PTCHD1: variants seen among roughly 807,000 people sequenced by gnomAD.
The protein encoded by PTCHD1 is patched domain-containing protein 1.
A neutral mutation model predicts 34.6 loss-of-function variants in PTCHD1; 3 were observed. The observed-to-expected ratio is 0.09, with a 90% CI of 0.04 to 0.22. The LOEUF is 0.22. PTCHD1 is among the 10% of genes least tolerant of loss of function. The pLI, the probability that PTCHD1 is intolerant of heterozygous loss-of-function variation, is 1.00. For synonymous variants in PTCHD1, 305 were observed against 283.1 expected (o/e 1.08, Z -0.77); for missense variants, 504 against 685.5 (o/e 0.74, Z 2.96).
chrX:23,377,499 T>C (rs1031715474), intron 1 of PTCHD1, among the ~76,000 whole-genome samples: 5 of 111,172 alleles, frequency 4.5e-5, no homozygotes, highest in Admixed American at 3.8e-4. Context: ...ATGGAAGACA[T>C]TTTGCTCACC....
At position 23,394,302 on chromosome X, in the gene PTCHD1, CAAAAAAAAAAAAA is replaced by C; in HGVS notation, c.*127_*139del. ...TTTAAAGATAGGAAACAGGCATTGC[CAAAAAAAAAAAAA>C]AAAAAAAAAGGAAAGGACAGTGGGG... On this transcript the variant is annotated 3_prime_UTR_variant, in exon 3 of 3. Coordinates refer to ENST00000379361, the MANE Select transcript of PTCHD1 (RefSeq NM_173495.3). 9.6e-5 allele frequency: 5 copies of C among 52,221 alleles called. 2 individuals are homozygous for C. In the East Asian group the frequency reaches 1.4e-3, roughly 14 times the overall value. 4.3% of individuals were successfully genotyped at this position (52,221 alleles called of 1,213,427 possible).
intron 1 of PTCHD1, among the ~76,000 whole-genome samples, chrX:23,353,610 A>C (rs960749830): frequency 2.7e-5 from 2 of 74,176 alleles, no homozygotes; most frequent in South Asian, 5.6e-4. Flanking sequence ...AAAACAAAAC[A>C]AAAAAAAAAA....
intron 1 of PTCHD1, among the ~76,000 whole-genome samples, chrX:23,354,136 G>A (rs1921730342): frequency 9.0e-6 from 1 of 111,278 alleles, no homozygotes; most frequent in East Asian, 2.8e-4. Flanking sequence ...AGAGATTCAG[G>A]CCGAGGAAGC....
At chrX:23,340,863 G>A (rs1921291345) in intron 1 of PTCHD1, among the ~76,000 whole-genome samples, 1 of 112,037 alleles carries the variant, frequency 8.9e-6, no homozygotes, top group South Asian at 3.7e-4. Context: ...GCCTGAAAGG[G>A]CAGCATTTGT....
At chrX:23,383,991 A>T (rs1054861634) in intron 2 of PTCHD1, among the ~76,000 whole-genome samples, 18 of 112,278 alleles carry the variant, frequency 1.6e-4, no homozygotes, top group African/African-American at 5.8e-4. Flanking sequence ...TGATTTTTAA[A>T]ATTAGCATAG....
chrX:23,391,319 C>T (rs1326987116), intron 2 of PTCHD1, among the ~76,000 whole-genome samples: 1 of 111,146 alleles, frequency 9.0e-6, no homozygotes, highest in South Asian at 3.8e-4. Context: ...TCGCTGCTGA[C>T]GTATTATATC....
At chrX:23,343,362 A>G (rs181272209) in intron 1 of PTCHD1, among the ~76,000 whole-genome samples, 17 of 112,002 alleles carry the variant, frequency 1.5e-4, no homozygotes, top group Admixed American at 3.8e-4. Context: ...TCAGTCCCCA[A>G]TCAGTGGTGC....
At position 23,398,578 on chromosome X, in the gene PTCHD1, CA is replaced by C. The variant is rs1463768019; in HGVS notation, c.*4394del. The C allele has an allele frequency of 9.0e-6, 1 of 111,538 alleles. No individual in the cohort carries two copies. The highest frequency in any genetic ancestry group is 2.8e-4 in the East Asian group (1 of 3,557). The allele number at this position is 111,538 out of a possible 1,213,427, so 9.2% of individuals were successfully genotyped here. A position where few individuals can be genotyped will look rare whatever the true frequency, so the allele number is the denominator to read the frequency against. ...GCTTTTAATTTTGTGTAAAAAGCACCAGGTATTTAGAGACATAAAGTTCCCG... is the reference window on the plus strand; with the variant it reads ...GCTTTTAATTTTGTGTAAAAAGCACCGGTATTTAGAGACATAAAGTTCCCG... On this transcript the variant is annotated 3_prime_UTR_variant, in exon 3 of 3. Transcript: ENST00000379361.
intron 1 of PTCHD1, among the ~76,000 whole-genome samples, chrX:23,369,265 C>T (rs1357227147): frequency 9.0e-6 from 1 of 111,078 alleles, no homozygotes; most frequent in African/African-American, 3.3e-5. Flanking sequence ...TAGTACTGGT[C>T]GGAGTTTTGT....
chrX:23,388,775 G>A (rs1181946014), intron 2 of PTCHD1, among the ~76,000 whole-genome samples: 1 of 111,136 alleles, frequency 9.0e-6, no homozygotes, highest in Non-Finnish European at 1.9e-5. Flanking sequence ...AGGCTGCAGC[G>A]AGCAGAGATT....
At chrX:23,352,764 G>A (rs1290615526) in intron 1 of PTCHD1, among the ~76,000 whole-genome samples, 2 of 111,925 alleles carry the variant, frequency 1.8e-5, no homozygotes, top group East Asian at 5.6e-4. Context: ...TAAAAACAGT[G>A]GCCTACTCCA....
At chrX:23,358,998 T>C (rs1921894686) in intron 1 of PTCHD1, among the ~76,000 whole-genome samples, 1 of 112,138 alleles carries the variant, frequency 8.9e-6, no homozygotes, top group Non-Finnish European at 1.9e-5. Flanking sequence ...TTCTGTTCCA[T>C]TGGTCCATAT....
At chrX:23,368,553 C>T (rs181981304) in intron 1 of PTCHD1, among the ~76,000 whole-genome samples, 33 of 111,146 alleles carry the variant, frequency 3.0e-4, no homozygotes, top group East Asian at 2.8e-4. Flanking sequence ...TAGGATTGAG[C>T]GAAACAAAAT....
intron 1 of PTCHD1, among the ~76,000 whole-genome samples, chrX:23,347,472 G>A (rs1921507484): frequency 8.9e-6 from 1 of 112,060 alleles, no homozygotes; most frequent in Non-Finnish European, 1.9e-5. Flanking sequence ...GGAAATTAAA[G>A]CTTCTGGTAC....
In PTCHD1 at chrX:23,335,237, A is replaced by C. The variant is rs1464609871; in HGVS notation, c.351+11A>C. ...GACCTGATCTTAAAGGTGAGAGGGG[A>C]CGGGTGCGGGCAGACTCCGCCAGCG... is the stretch of plus-strand genomic sequence containing the variant. On this transcript the variant is annotated intron_variant, in intron 1 of 2. Coordinates refer to ENST00000379361, the MANE Select transcript of PTCHD1 (RefSeq NM_173495.3). 13 of 1,186,587 alleles carry C rather than the reference A, an allele frequency of 1.1e-5. No homozygotes were observed. In the South Asian group the frequency reaches 2.3e-4, roughly 21 times the overall value.
chrX:23,343,083 G>C (rs1265865715), intron 1 of PTCHD1, among the ~76,000 whole-genome samples: 8 of 112,330 alleles, frequency 7.1e-5, no homozygotes, highest in African/African-American at 1.6e-4. Flanking sequence ...CTGGTTTATA[G>C]CTTGTAAGAT....
chrX:23,380,248 C>T lies in PTCHD1; in HGVS notation c.1009C>T (p.Leu337=), dbSNP rs774386358. ...CTTCCTGGGAGTCCCTTTCGTCATG[C>T]TAGGTAATTACTACTCTTCTTTCTT... ...STFLGVPFVM[L]GHGLYGTFEM... The change falls in exon 2 of 3, where the codon CTA becomes TTA. Residue 337 remains leucine (L), a synonymous_variant. Transcript: ENST00000379361. 1 of 1,206,121 alleles carries T rather than the reference C, an allele frequency of 8.3e-7. No individual in the cohort carries two copies. The highest frequency in any genetic ancestry group is 1.1e-6 in the Non-Finnish European group (1 of 891,177).
chrX:23,334,753 CCGCCGCCGCCGT>C (rs1197177681), upstream of PTCHD1: 35 of 129,489 alleles, frequency 2.7e-4, no homozygotes, highest in Middle Eastern at 4.4e-3. Flanking sequence ...CAGGGTCTCG[CCGCCGCCGCCGT>C]CGCCGCCGCC....
intron 1 of PTCHD1, among the ~76,000 whole-genome samples, chrX:23,347,185 T>A (rs1043570758): frequency 1.8e-5 from 2 of 111,501 alleles, no homozygotes; most frequent in Non-Finnish European, 3.8e-5. Context: ...AGAAATCAAT[T>A]TGAAGCACTA....
Sources: allele counts gnomAD v4.1 joint callset (sites outside exome capture counted in the v4.1 genomes callset), GRCh38; gene constraint gnomAD v4.1.1; transcripts MANE v1.5; gene names NCBI Gene and HGNC (gene_info 2026-07-23, HGNC 2026-07-21).